ARHGAP12: variants seen among roughly 807,000 people sequenced by gnomAD.
ARHGAP12 encodes Rho GTPase activating protein 12, also known as rho GTPase-activating protein 12.
Under a neutral mutation model 108.6 loss-of-function variants are expected in ARHGAP12, and 64 were observed. The observed-to-expected ratio is 0.59, with a 90% CI of 0.48 to 0.73. ARHGAP12 has a LOEUF of 0.73. ARHGAP12 is among the 30% of genes least tolerant of loss of function. The probability of loss-of-function intolerance (pLI) is 0.00; values close to 1 mark genes in which losing one functional copy is unlikely to be tolerated. For synonymous variants in ARHGAP12, 312 were observed against 337.2 expected, an observed-to-expected ratio of 0.93 and a Z score of 0.82; for missense variants, 940 against 1,005.9, an observed-to-expected ratio of 0.93 and a Z score of 0.89.
Position 31,843,461 on chromosome 10 carries a change from C to CTTA in ARHGAP12, c.1293_1295dup (p.Asp431_Lys432insAsn). The CTTA allele has an allele frequency of 6.2e-7, 1 of 1,610,824 alleles. No homozygotes were observed. The highest frequency in any genetic ancestry group is 8.5e-7 in the Non-Finnish European group (1 of 1,179,020). Reference sequence around the variant, plus strand: ...TTGCCAAAAATCTCAACAGTCCTACCTTATCATTAGTGTCCAATACAATGG... The same window carrying CTTA: ...TTGCCAAAAATCTCAACAGTCCTACCTTATTATCATTAGTGTCCAATACAATGG... On this transcript the variant is annotated inframe_insertion and splice_region_variant, in exon 7 of 20. Coordinates refer to ENST00000344936, the MANE Select transcript of ARHGAP12 (RefSeq NM_018287.7).
chr10:31,817,907 A>G, intron 12 of ARHGAP12, 21 bp from the exon 13 acceptor site: 2 of 1,580,324 alleles, frequency 1.3e-6, no homozygotes, highest in Non-Finnish European at 1.7e-6. Flanking sequence ...AAGCAGGGAG[A>G]AAAAAGAGTA....
In ARHGAP12 at chr10:31,839,649, C is replaced by A. The variant is rs144032792; in HGVS notation, c.1359G>T (p.Lys453Asn). Reference sequence around the variant, plus strand: ...CTATCATACTAACTGTATCTTGGTGCTTTGGTGAGGAGGGAGAAGACTCAT... The same window carrying A: ...CTATCATACTAACTGTATCTTGGTGATTTGGTGAGGAGGGAGAAGACTCAT... ...PENESSPSSP[K>N]HQDTASSPKD... Residue 453 changes from lysine to asparagine, a missense_variant, in exon 8 of 20, where the codon AAG (lysine) becomes AAT (asparagine). Physicochemically the swap from Lys to Asn is moderately conservative, Grantham distance 94. Coordinates refer to ENST00000344936, the MANE Select transcript of ARHGAP12 (RefSeq NM_018287.7). The A allele has an allele frequency of 1.2e-3, 1,851 of 1,605,822 alleles. 18 individuals are homozygous for A. In the African/African-American group the frequency reaches 0.022, roughly 20 times the overall value.
intron 6 of ARHGAP12, among the ~76,000 whole-genome samples, chr10:31,846,689 C>T (rs111395257): frequency 3.2e-4 from 48 of 152,146 alleles, no homozygotes; most frequent in African/African-American, 1.1e-3. Flanking sequence ...TACAATGAGC[C>T]TGGATATGGA....
chr10:31,889,609 A>T (rs1838330683), intron 3 of ARHGAP12, among the ~76,000 whole-genome samples: 1 of 137,374 alleles, frequency 7.3e-6, no homozygotes, highest in Admixed American at 7.2e-5. Flanking sequence ...TTCTTTTCTT[A>T]ATTTTTCTCG....
chr10:31,892,652 T>C (rs1395291627), intron 3 of ARHGAP12, among the ~76,000 whole-genome samples: 2 of 152,164 alleles, frequency 1.3e-5, no homozygotes, highest in Non-Finnish European at 1.5e-5. Context: ...ACAATAATAA[T>C]GGGAGACTTT....
At position 31,829,699 on chromosome 10, in the gene ARHGAP12, C is replaced by A. The variant is rs191514684; in HGVS notation, c.1448+2040G>T. ...ACCTACAAGATATTATAAAATTAAG[C>A]ATGGGCAAAGATTCACTCAGGTGCA... On this transcript the variant is annotated intron_variant, in intron 10 of 19. Transcript: ENST00000344936. Among the ~76,000 whole-genome samples, 359 of 152,260 alleles carry A rather than the reference C, an allele frequency of 2.4e-3. 3 individuals carry two copies. Among genetic ancestry groups the A allele is most frequent in the African/African-American group, 8.2e-3 (342 of 41,542 alleles).
chr10:31,907,462 A>T (rs1839178602), intron 3 of ARHGAP12, among the ~76,000 whole-genome samples: 1 of 117,554 alleles, frequency 8.5e-6, no homozygotes, highest in Non-Finnish European at 2.0e-5. Flanking sequence ...CTGTCTCTAA[A>T]AAAAAAAAAA....
intron 3 of ARHGAP12, among the ~76,000 whole-genome samples, chr10:31,889,619 GTTTTTTT>G (rs869116452): frequency 1.5e-4 from 10 of 66,446 alleles, no homozygotes; most frequent in South Asian, 6.8e-4. Context: ...AATTTTTCTC[GTTTTTTT>G]TTTTTTTTTT....
intron 3 of ARHGAP12, among the ~76,000 whole-genome samples, chr10:31,875,091 C>T (rs1194489693): frequency 6.7e-6 from 1 of 149,684 alleles, no homozygotes; most frequent in Non-Finnish European, 1.5e-5. Flanking sequence ...CATGGAATTA[C>T]TGCTGGGTTT....
At chr10:31,815,143 AAG>A (rs1394352323) in intron 13 of ARHGAP12, among the ~76,000 whole-genome samples, 2 of 151,510 alleles carry the variant, frequency 1.3e-5, no homozygotes, top group South Asian at 2.1e-4. Context: ...AAAAGAAAGA[AAG>A]AAAAAAAAGA....
rs80013550 is a variant in ARHGAP12 at position 31,819,675 on chromosome 10, C to T, written c.1632+712G>A. ...GCTCCCTTGAGAATGAAAGATCTTGCGGACAAGGAGGCCTAGCCAACAGCT... is the reference window on the plus strand; with the variant it reads ...GCTCCCTTGAGAATGAAAGATCTTGTGGACAAGGAGGCCTAGCCAACAGCT... On this transcript the variant is annotated intron_variant, in intron 12 of 19. Coordinates refer to ENST00000344936, the MANE Select transcript of ARHGAP12 (RefSeq NM_018287.7). Among the ~76,000 whole-genome samples, 291 of 152,236 alleles carry T rather than the reference C, an allele frequency of 1.9e-3. 5 individuals are homozygous for T. Among genetic ancestry groups the T allele is most frequent in the East Asian group, 0.013 (65 of 5,180 alleles).
intron 3 of ARHGAP12, among the ~76,000 whole-genome samples, chr10:31,898,982 C>T (rs981432871): frequency 6.6e-6 from 1 of 152,182 alleles, no homozygotes; most frequent in Non-Finnish European, 1.5e-5. Context: ...TATTATTCCA[C>T]CACAAAAAGG....
chr10:31,859,624 T>C (rs1837036045), intron 4 of ARHGAP12, among the ~76,000 whole-genome samples: 1 of 152,192 alleles, frequency 6.6e-6, no homozygotes, highest in African/African-American at 2.4e-5. Flanking sequence ...CTCCCATCTA[T>C]TTACTAAAAT....
intron 9 of ARHGAP12, among the ~76,000 whole-genome samples, chr10:31,832,991 G>T (rs746524551): frequency 1.3e-5 from 2 of 151,730 alleles, no homozygotes; most frequent in Non-Finnish European, 2.9e-5. Context: ...GATATTTTTC[G>T]TAAGAACTAT....
At chr10:31,878,240 C>A (rs1837809162) in intron 3 of ARHGAP12, among the ~76,000 whole-genome samples, 1 of 152,086 alleles carries the variant, frequency 6.6e-6, no homozygotes, top group African/African-American at 2.4e-5. Context: ...AAATTCACCA[C>A]CCAATTTTAA....
At chr10:31,820,245 TA>T in intron 12 of ARHGAP12, 141 bp downstream of exon 12, 2 of 544,858 alleles carry the variant, frequency 3.7e-6, no homozygotes, top group Non-Finnish European at 3.0e-6. Context: ...AGTTTTTTCT[TA>T]AATTACAATA....
chr10:31,836,110 T>C (rs1004657605), intron 9 of ARHGAP12, among the ~76,000 whole-genome samples: 1 of 152,122 alleles, frequency 6.6e-6, no homozygotes, highest in African/African-American at 2.4e-5. Flanking sequence ...TAATATTCAA[T>C]GAAAAAAATA....
chr10:31,826,340 T>C lies in ARHGAP12; in HGVS notation c.1494A>G (p.Leu498=). ...SSWAVLQGSS[L]LFTKTQGSST... ...TACTTCCTTGAGTTTTGGTAAAAAG[T>C]AAAGATGAACCCTGCAACACCGCCC... Residue 498 remains leucine (L), a synonymous_variant, in exon 11 of 20, where the codon TTA becomes TTG. Coordinates refer to ENST00000344936, the MANE Select transcript of ARHGAP12 (RefSeq NM_018287.7). 1 of 1,612,860 alleles carries C rather than the reference T, an allele frequency of 6.2e-7. No homozygotes were observed.
chr10:31,872,664 A>C (rs2132339147), intron 3 of ARHGAP12, among the ~76,000 whole-genome samples: 1 of 152,274 alleles, frequency 6.6e-6, no homozygotes, highest in East Asian at 1.9e-4. Flanking sequence ...ATCCTCCATG[A>C]TACCACTAGT....
Sources: gnomAD v4.1 joint callset for allele counts (sites outside exome capture counted in the v4.1 genomes callset) on GRCh38, gnomAD v4.1.1 for gene constraint, MANE v1.5 for transcripts, NCBI Gene and HGNC (gene_info 2026-07-23, HGNC 2026-07-21) for gene names.